The following CHFR variants were observed in gnomAD, a reference collection of about 807,000 sequenced individuals.
CHFR encodes E3 ubiquitin-protein ligase CHFR.
Under a neutral mutation model 87.6 loss-of-function variants are expected in CHFR, and 57 were observed. The observed-to-expected ratio is 0.65, with a 90% CI of 0.53 to 0.81. The LOEUF is 0.81. Among genes scored for constraint, CHFR ranks in the 30% least tolerant of loss-of-function variants. The pLI, the probability that CHFR is intolerant of heterozygous loss-of-function variation, is 0.00. For missense variants in CHFR, 797 were observed against 865.8 expected (o/e 0.92, Z 1.00); for synonymous variants, 381 against 359.2 (o/e 1.06, Z -0.69).
At chr12:132,869,886 C>T (rs1193310892) in intron 5 of CHFR, 88 bp from the exon 6 acceptor site, 6 of 1,441,960 alleles carry the variant, frequency 4.2e-6, no homozygotes, top group Non-Finnish European at 5.7e-6. Flanking sequence ...CAAGCAGACA[C>T]TCTAGGGATT....
chr12:132,871,916 G>T, intron 4 of CHFR: 1 of 207,782 alleles, frequency 4.8e-6, no homozygotes. Context: ...GATGTTTCTT[G>T]TAAGGTCTCC....
rs776466473 is a variant in CHFR at position 132,847,118 on chromosome 12, T to C, written c.1660A>G (p.Thr554Ala). The C allele has an allele frequency of 1.9e-6, 3 of 1,613,708 alleles. No individual in the cohort carries two copies. The highest frequency in any genetic ancestry group is 2.5e-6 in the Non-Finnish European group (3 of 1,179,816). The change falls in exon 15 of 18, where the codon ACC becomes GCC. Residue 554 changes from threonine (T) to alanine (A), a missense_variant. By Grantham distance (58) the Thr-to-Ala change is moderately conservative. Transcript: ENST00000450056. ...ESDILKNYLA[T>A]RGLTWKNMLT... is the part of the protein sequence containing the mutation. The stretch of plus-strand genomic sequence containing the variant: ...ATGTTTTTCCATGTCAAACCTCTGG[T>C]TGCCAGGTAATTCTGTGACGCAAAA...
At chr12:132,858,714 G>A (rs1428906310) in intron 8 of CHFR, among the ~76,000 whole-genome samples, 41 of 107,364 alleles carry the variant, frequency 3.8e-4, no homozygotes, top group African/African-American at 1.2e-3. Context: ...GTGACAGAGC[G>A]AGACTCCATC....
At chr12:132,848,498 C>T in intron 13 of CHFR, 143 bp downstream of exon 13, 1 of 716,946 alleles carries the variant, frequency 1.4e-6, no homozygotes, top group South Asian at 1.8e-5. Context: ...TGCAGTCCAG[C>T]CAGGAATAGG....
intron 10 of CHFR, chr12:132,854,397 C>T (rs1951016854): frequency 6.6e-6 from 1 of 152,212 alleles, no homozygotes; most frequent in African/African-American, 2.4e-5. Context: ...GACTGCTTCA[C>T]GTCTAAACAT....
At chr12:132,881,523 C>A (rs1029393198) in intron 2 of CHFR, among the ~76,000 whole-genome samples, 1 of 152,116 alleles carries the variant, frequency 6.6e-6, no homozygotes, top group African/African-American at 2.4e-5. Flanking sequence ...CAGAGAAATG[C>A]AAATTAAAAC....
intron 15 of CHFR, among the ~76,000 whole-genome samples, chr12:132,844,976 A>G (rs1345796217): frequency 3.9e-5 from 6 of 152,016 alleles, no homozygotes; most frequent in African/African-American, 1.4e-4. Context: ...CCAAAAAACA[A>G]GAAGAAAATG....
chr12:132,842,305 C>A (rs1235652718), intron 17 of CHFR, among the ~76,000 whole-genome samples: 3 of 152,222 alleles, frequency 2.0e-5, no homozygotes, highest in Non-Finnish European at 4.4e-5. Flanking sequence ...CTGCACATTT[C>A]TACTGAAAAC....
At chr12:132,858,477 C>G (rs992713869) in intron 8 of CHFR, among the ~76,000 whole-genome samples, 8 of 152,026 alleles carry the variant, frequency 5.3e-5, no homozygotes, top group Non-Finnish European at 1.2e-4. Context: ...ATAATCCCAG[C>G]ACTTTAGGAG....
intron 2 of CHFR, chr12:132,883,080 T>C (rs1275362112): frequency 6.6e-6 from 1 of 152,138 alleles, no homozygotes; most frequent in Admixed American, 6.6e-5. Flanking sequence ...GCTTGACGCT[T>C]GGTGGGTTAA....
intron 2 of CHFR, among the ~76,000 whole-genome samples, chr12:132,883,978 G>A (rs1951827480): frequency 6.6e-6 from 1 of 151,990 alleles, no homozygotes; most frequent in Non-Finnish European, 1.5e-5. Context: ...AAACTAGCCA[G>A]GTGTGGTGGC....
At chr12:132,868,775 T>A (rs532140357) in intron 6 of CHFR, among the ~76,000 whole-genome samples, 4 of 67,660 alleles carry the variant, frequency 5.9e-5, no homozygotes, top group Non-Finnish European at 1.3e-4. Context: ...TGCCAGGGGC[T>A]GGGGGGAGGG....
chr12:132,852,772 G>A (rs1950976071), intron 11 of CHFR, among the ~76,000 whole-genome samples: 1 of 152,240 alleles, frequency 6.6e-6, no homozygotes, highest in Non-Finnish European at 1.5e-5. Context: ...TGAGAATGCA[G>A]CACAAGGATG....
intron 2 of CHFR, among the ~76,000 whole-genome samples, chr12:132,879,395 C>CT (rs1186711276): frequency 0.033 from 4,365 of 134,118 alleles, 149 homozygotes; most frequent in African/African-American, 0.081. Flanking sequence ...TTTTTTTTTT[C>CT]TTTTTTTTTT....
Position 132,848,907 on chromosome 12 carries a change from G to A in CHFR, c.1493-183C>T, listed in dbSNP as rs534562738. 2.7e-5 allele frequency: 15 copies of A among 556,838 alleles called. No homozygotes were observed. In the South Asian group the frequency reaches 3.4e-4, roughly 12 times the overall value. The allele number at this position is 556,838 out of a possible 1,614,324, so 34.5% of individuals were successfully genotyped here. On this transcript the variant is annotated intron_variant, in intron 12 of 17. Coordinates refer to ENST00000450056, the MANE Select transcript of CHFR (RefSeq NM_001161346.2). ...CCAGGTTGTGATGGACTGTGATGGC[G>A]AGGAGTTGTATCCCTGAAAAAAGGC...
Position 132,857,563 on chromosome 12 carries a change from A to C in CHFR, c.912-4T>G. The C allele has an allele frequency of 6.2e-7, 1 of 1,613,518 alleles. No homozygotes were observed. The highest frequency in any genetic ancestry group is 8.5e-7 in the Non-Finnish European group (1 of 1,179,758). On this transcript the variant is annotated splice_region_variant and splice_polypyrimidine_tract_variant and intron_variant, in intron 8 of 17. Transcript: ENST00000450056. ...CGTGTGCATGCAGGGCTGCAAACTG[A>C]AAGTGCAAGAGGAACAGTGTCCAGA...
chr12:132,865,637 T>G lies in CHFR; in HGVS notation c.583+3982A>C, dbSNP rs970352394. ...ATTCGCCTGTCTTGGCTTCCCAAAG[T>G]GCTGGGATTACAGGTCTTTTTTTTT... On this transcript the variant is annotated intron_variant, in intron 6 of 17. Transcript: ENST00000450056. 3.4e-5 allele frequency among the ~76,000 whole-genome samples: 5 copies of G among 147,018 alleles called. No homozygotes were observed. In the South Asian group the frequency reaches 1.1e-3, roughly 31 times the overall value.
At chr12:132,841,978 C>T (rs1486635513) in intron 17 of CHFR, among the ~76,000 whole-genome samples, 2 of 151,870 alleles carry the variant, frequency 1.3e-5, no homozygotes, top group Non-Finnish European at 2.9e-5. Flanking sequence ...GATGTGGTGG[C>T]GAGCACCTGT....
intron 2 of CHFR, among the ~76,000 whole-genome samples, chr12:132,882,420 G>T (rs1566207427): frequency 6.6e-6 from 1 of 152,180 alleles, no homozygotes; most frequent in African/African-American, 2.4e-5. Flanking sequence ...GACTGCACTG[G>T]TGAGTACATT....
Sources: allele counts gnomAD v4.1 joint callset (sites outside exome capture counted in the v4.1 genomes callset), GRCh38; gene constraint gnomAD v4.1.1; transcripts MANE v1.5; gene names NCBI Gene and HGNC (gene_info 2026-07-23, HGNC 2026-07-21).